ESYT2: variants seen among roughly 807,000 people sequenced by gnomAD.
ESYT2 encodes extended synaptotagmin-2.
ESYT2 carries 54 observed loss-of-function variants against 107.2 expected under a neutral mutation model. The ratio of observed to expected loss-of-function variants is 0.50; its 90% confidence interval spans 0.40 to 0.63. The LOEUF is 0.63. Among genes scored for constraint, ESYT2 ranks in the 30% least tolerant of loss-of-function variants. The probability of loss-of-function intolerance (pLI) is 0.00; values close to 1 mark genes in which losing one functional copy is unlikely to be tolerated. For synonymous variants in ESYT2, 491 were observed against 434.1 expected, an observed-to-expected ratio of 1.13 and a Z score of -1.63; for missense variants, 1,020 against 1,094.5, an observed-to-expected ratio of 0.93 and a Z score of 0.96.
intron 6 of ESYT2, among the ~76,000 whole-genome samples, chr7:158,774,850 C>A (rs1380999781): frequency 6.6e-6 from 1 of 152,202 alleles, no homozygotes; most frequent in Non-Finnish European, 1.5e-5. Context: ...ACTGCTCCAT[C>A]CGCAGAGCTG....
At chr7:158,773,487 T>C in intron 6 of ESYT2, 91 bp from the exon 7 acceptor site, 1 of 1,287,794 alleles carries the variant, frequency 7.8e-7, no homozygotes. Context: ...GTAGACAAAA[T>C]GGGTTAGTAC....
chr7:158,753,599 A>ATTTTTTTT (rs775077906), intron 13 of ESYT2, among the ~76,000 whole-genome samples: 2 of 132,824 alleles, frequency 1.5e-5, no homozygotes, highest in East Asian at 2.2e-4. Flanking sequence ...TAAATGTTTA[A>ATTTTTTTT]TTTTTTTTTT....
At position 158,760,145 on chromosome 7, in the gene ESYT2, C is replaced by T. The variant is rs1407222315; in HGVS notation, c.1236G>A (p.Trp412Ter). ...EVEKERLLDE[W>*]FTLDEVPKGK... ...CCTTGGGAACCTCGTCCAGAGTGAACCACTGAAGAGAAAAAATGTTTACGT... is the reference window on the plus strand; with the variant it reads ...CCTTGGGAACCTCGTCCAGAGTGAATCACTGAAGAGAAAAAATGTTTACGT... Residue 412 changes from tryptophan to a stop codon, truncating the protein, a stop_gained and splice_region_variant, in exon 12 of 23, where the codon TGG (tryptophan) becomes TGA (stop). Transcript: ENST00000275418. LOFTEE classifies it high-confidence loss of function. 1.2e-6 allele frequency: 2 copies of T among 1,613,838 alleles called. No homozygotes were observed. The highest frequency in any genetic ancestry group is 8.5e-7 in the Non-Finnish European group (1 of 1,179,788).
intron 1 of ESYT2, among the ~76,000 whole-genome samples, chr7:158,801,150 C>T (rs538561912): frequency 2.0e-5 from 3 of 152,296 alleles, no homozygotes; most frequent in Non-Finnish European, 2.9e-5. Flanking sequence ...GACAGGAGCA[C>T]GGGAGGAGCT....
chr7:158,788,360 A>G lies in ESYT2; in HGVS notation c.642T>C (p.Gly214=). ...LEIKRYFCRA[G]VKSIQIHGTM... is the part of the protein sequence containing the mutation. ...AAAAACTTACCTGGATACTTTTCACACCAGCTCTACAAAAATATCGTTTGA... is the reference window on the plus strand; with the variant it reads ...AAAAACTTACCTGGATACTTTTCACGCCAGCTCTACAAAAATATCGTTTGA... Residue 214 remains glycine (G), a synonymous_variant, in exon 5 of 23, where the codon GGT becomes GGC. Coordinates refer to ENST00000275418, the MANE Select transcript of ESYT2 (RefSeq NM_001367773.1). 6.2e-7 allele frequency: 1 copy of G among 1,611,336 alleles called. No homozygotes were observed. Among genetic ancestry groups the G allele is most frequent in the South Asian group, 1.1e-5 (1 of 89,906 alleles).
At chr7:158,800,458 C>T (rs558538286) in intron 1 of ESYT2, among the ~76,000 whole-genome samples, 85 of 152,306 alleles carry the variant, frequency 5.6e-4, no homozygotes, top group African/African-American at 2.0e-3. Flanking sequence ...AGTTCAATCA[C>T]GGCTCACTGC....
intron 17 of ESYT2, among the ~76,000 whole-genome samples, chr7:158,742,907 G>A (rs1412786671): frequency 6.6e-6 from 1 of 152,228 alleles, no homozygotes; most frequent in East Asian, 1.9e-4. Flanking sequence ...GACACCTCCA[G>A]TCTCTGCCGG....
At chr7:158,811,798 C>G (rs901426510) in intron 1 of ESYT2, among the ~76,000 whole-genome samples, 25 of 152,132 alleles carry the variant, frequency 1.6e-4, no homozygotes, top group Non-Finnish European at 3.5e-4. Context: ...GGGACAAGAA[C>G]TGGAGTCTGG....
At chr7:158,745,607 G>A (rs975337938) in intron 16 of ESYT2, among the ~76,000 whole-genome samples, 2 of 151,936 alleles carry the variant, frequency 1.3e-5, no homozygotes, top group African/African-American at 2.4e-5. Context: ...CCATAAAGCC[G>A]GTCTCAAACA....
chr7:158,781,504 CGT>C (rs1434314696), intron 6 of ESYT2, among the ~76,000 whole-genome samples: 28 of 146,234 alleles, frequency 1.9e-4, no homozygotes, highest in Admixed American at 6.1e-4. Flanking sequence ...AACGAGTGAA[CGT>C]GTGAGAACAA....
chr7:158,824,746 G>C (rs1243244054), intron 1 of ESYT2, among the ~76,000 whole-genome samples: 1 of 152,292 alleles, frequency 6.6e-6, no homozygotes, highest in Non-Finnish European at 1.5e-5. Flanking sequence ...ATTGGCAATA[G>C]TAAAAGCAGG....
Position 158,738,814 on chromosome 7 carries a change from G to A in ESYT2, c.2267+209C>T, listed in dbSNP as rs189317484. On this transcript the variant is annotated intron_variant, in intron 19 of 22. Coordinates refer to ENST00000275418, the MANE Select transcript of ESYT2 (RefSeq NM_001367773.1). ...AAATACAGTATGATCTTAGGGGACCGTTGTACTTCGGTGACCAAAACGTTG... is the reference window on the plus strand; with the variant it reads ...AAATACAGTATGATCTTAGGGGACCATTGTACTTCGGTGACCAAAACGTTG... 5.9e-5 allele frequency among the ~76,000 whole-genome samples: 9 copies of A among 152,324 alleles called. No homozygotes were observed. In the East Asian group the frequency reaches 9.6e-4, roughly 16 times the overall value.
At chr7:158,777,599 G>GT (rs1445445625) in intron 6 of ESYT2, among the ~76,000 whole-genome samples, 2 of 152,160 alleles carry the variant, frequency 1.3e-5, no homozygotes, top group East Asian at 3.8e-4. Flanking sequence ...TGCCATGACT[G>GT]TAAGTTTCCT....
chr7:158,731,992 C>T lies in ESYT2; in HGVS notation c.*2215G>A, dbSNP rs573074944. On this transcript the variant is annotated 3_prime_UTR_variant, in exon 23 of 23. Transcript: ENST00000275418. Reference sequence around the variant, plus strand: ...CAAGCACCTCCAGGCACTCAAGGCCCTGGGGACAGCGCTACTGACTCCACT... The same window carrying T: ...CAAGCACCTCCAGGCACTCAAGGCCTTGGGGACAGCGCTACTGACTCCACT... 1 of 152,292 alleles carries T rather than the reference C, an allele frequency of 6.6e-6. No homozygotes were observed. The highest frequency in any genetic ancestry group is 1.9e-4 in the East Asian group (1 of 5,156). 9.4% of individuals were successfully genotyped at this position (152,292 alleles called of 1,614,324 possible). A position where few individuals can be genotyped will look rare whatever the true frequency, so the allele number is the denominator to read the frequency against.
intron 1 of ESYT2, among the ~76,000 whole-genome samples, chr7:158,821,302 T>G (rs1262637075): frequency 6.6e-6 from 1 of 152,106 alleles, no homozygotes; most frequent in Non-Finnish European, 1.5e-5. Flanking sequence ...CAAGGAACAA[T>G]AAGATCATTG....
Position 158,748,052 on chromosome 7 carries a change from C to G in ESYT2, c.1644+142G>C. 8.6e-6 allele frequency: 6 copies of G among 696,666 alleles called. No individual in the cohort carries two copies. The South Asian group carries it at 9.6e-5, about 11-fold the overall frequency. The allele number at this position is 696,666 out of a possible 1,614,324, so 43.2% of individuals were successfully genotyped here. On this transcript the variant is annotated intron_variant, in intron 16 of 22. Transcript: ENST00000275418. ...TGTTTGCCTGGGGCTAGGGGAGGCCCGGGTTACAGAGAGATCTACCAATTG... is the reference window on the plus strand; with the variant it reads ...TGTTTGCCTGGGGCTAGGGGAGGCCGGGGTTACAGAGAGATCTACCAATTG...
At chr7:158,765,167 G>A (rs767209746) in intron 8 of ESYT2, among the ~76,000 whole-genome samples, 13 of 151,982 alleles carry the variant, frequency 8.6e-5, no homozygotes, top group South Asian at 2.1e-4. Context: ...GCCCCAGAGC[G>A]CGCTCCTGGC....
intron 1 of ESYT2, among the ~76,000 whole-genome samples, chr7:158,804,755 C>T (rs1839776019): frequency 6.6e-6 from 1 of 150,928 alleles, no homozygotes; most frequent in Admixed American, 6.6e-5. Context: ...CCCAAACTGC[C>T]GAGAAAGGTG....
chr7:158,810,651 C>T (rs1839967726), intron 1 of ESYT2, among the ~76,000 whole-genome samples: 1 of 151,920 alleles, frequency 6.6e-6, no homozygotes. Flanking sequence ...CACTGCGCTC[C>T]AGCCTGGGTG....
Sources: gnomAD v4.1 joint callset for allele counts (sites outside exome capture counted in the v4.1 genomes callset) on GRCh38, gnomAD v4.1.1 for gene constraint, MANE v1.5 for transcripts, NCBI Gene and HGNC (gene_info 2026-07-23, HGNC 2026-07-21) for gene names.